RNGTT: variants seen among roughly 807,000 people sequenced by gnomAD.
RNGTT encodes RNA guanylyltransferase and 5'-phosphatase.
Under a neutral mutation model 79.3 loss-of-function variants are expected in RNGTT, and 33 were observed. The observed-to-expected ratio is 0.42, with a 90% CI of 0.32 to 0.56. The LOEUF is 0.56. RNGTT is among the 20% of genes least tolerant of loss of function. The pLI, the probability that RNGTT is intolerant of heterozygous loss-of-function variation, is 0.17. For synonymous variants in RNGTT, 222 were observed against 235.9 expected, an observed-to-expected ratio of 0.94 and a Z score of 0.54; for missense variants, 497 against 739.1, an observed-to-expected ratio of 0.67 and a Z score of 3.80.
intron 13 of RNGTT, among the ~76,000 whole-genome samples, chr6:88,702,732 G>A (rs1775989283): frequency 6.6e-6 from 1 of 152,136 alleles, no homozygotes; most frequent in Non-Finnish European, 1.5e-5. Flanking sequence ...AAGAGCTTCT[G>A]CAAAGCAAAA....
chr6:88,791,687 C>A (rs1003960320), intron 12 of RNGTT, among the ~76,000 whole-genome samples: 4 of 152,056 alleles, frequency 2.6e-5, no homozygotes, highest in Admixed American at 2.6e-4. Flanking sequence ...CCACAGGCGC[C>A]CACCACCACA....
At chr6:88,928,957 A>C (rs1179141833) in intron 4 of RNGTT, 28 bp downstream of exon 4, 1 of 1,509,902 alleles carries the variant, frequency 6.6e-7, no homozygotes, top group Non-Finnish European at 9.1e-7. Flanking sequence ...TAAAATATTC[A>C]ACAGTGGCAA....
chr6:88,818,562 T>C (rs889999510), intron 11 of RNGTT, among the ~76,000 whole-genome samples: 4 of 151,968 alleles, frequency 2.6e-5, no homozygotes, highest in African/African-American at 9.7e-5. Flanking sequence ...GCAACCAGAG[T>C]GAAACTCCGA....
rs140051179 is a variant in RNGTT, at chr6:88,929,099, GAA to G, written c.279-28_279-27del. 2.5e-5 allele frequency: 39 copies of G among 1,587,386 alleles called. No individual in the cohort carries two copies. In the South Asian group the frequency reaches 3.3e-4, roughly 13 times the overall value. On this transcript the variant is annotated intron_variant, in intron 3 of 15. Transcript: ENST00000369485. Reference sequence around the variant, plus strand: ...CTAGTAATATAGAAAAAGTTTTTTTGAAAAAAGAGATTACAAATTGTGATGAA... The same window carrying G: ...CTAGTAATATAGAAAAAGTTTTTTTGAAAAGAGATTACAAATTGTGATGAA...
intron 13 of RNGTT, among the ~76,000 whole-genome samples, chr6:88,759,179 C>T (rs1324484291): frequency 1.3e-5 from 2 of 152,182 alleles, no homozygotes; most frequent in African/African-American, 4.8e-5. Flanking sequence ...CATTACTGTC[C>T]TTCTGGTGTC....
At chr6:88,683,083 A>G (rs979083967) in intron 13 of RNGTT, among the ~76,000 whole-genome samples, 1 of 152,184 alleles carries the variant, frequency 6.6e-6, no homozygotes, top group Non-Finnish European at 1.5e-5. Context: ...AAGAAATTAG[A>G]AAAATGACAG....
At chr6:88,899,480 G>A (rs1000032045) in intron 6 of RNGTT, among the ~76,000 whole-genome samples, 14 of 151,956 alleles carry the variant, frequency 9.2e-5, no homozygotes, top group Admixed American at 3.9e-4. Context: ...GTCTCACTAC[G>A]TTGCCCAGGC....
Position 88,917,495 on chromosome 6 carries a change from T to TA in RNGTT, c.368-11056dup, listed in dbSNP as rs905435842. ...GGAGAAAATGAAAGGGTCAAAATCC[T>TA]AAAAAAACCTGTGAAACATACTAAA... is the stretch of plus-strand genomic sequence containing the variant. On this transcript the variant is annotated intron_variant, in intron 4 of 15. Transcript: ENST00000369485. Among the ~76,000 whole-genome samples, 25 of 152,194 alleles carry TA rather than the reference T, an allele frequency of 1.6e-4. No homozygotes were observed. The East Asian group carries it at 2.3e-3, about 14-fold the overall frequency.
chr6:88,715,887 A>G lies in RNGTT; in HGVS notation c.1440-37468T>C, dbSNP rs545630906. Among the ~76,000 whole-genome samples the G allele has an allele frequency of 6.6e-3, 1,003 of 152,332 alleles. 6 individuals are homozygous for G. The highest frequency in any genetic ancestry group is 0.054 in the Middle Eastern group (16 of 294). ...CCTAGAAGAAAACCTAGGCATTACCATTCAGGACATAGGCATGGGCAAGGA... is the reference window on the plus strand; with the variant it reads ...CCTAGAAGAAAACCTAGGCATTACCGTTCAGGACATAGGCATGGGCAAGGA... On this transcript the variant is annotated intron_variant, in intron 13 of 15. Coordinates refer to ENST00000369485, the MANE Select transcript of RNGTT (RefSeq NM_003800.5).
chr6:88,931,187 T>TAAAAAAAAAAA (rs34070183), intron 2 of RNGTT, among the ~76,000 whole-genome samples: 49 of 101,920 alleles, frequency 4.8e-4, no homozygotes, highest in Non-Finnish European at 6.1e-4. Context: ...TATAAAGCTG[T>TAAAAAAAAAAA]AAAAAAAAAA....
chr6:88,658,025 C>T (rs941765917), intron 14 of RNGTT, among the ~76,000 whole-genome samples: 4 of 152,120 alleles, frequency 2.6e-5, no homozygotes, highest in African/African-American at 7.2e-5. Context: ...TATGACCCCG[C>T]GATCACCTGA....
chr6:88,674,521 C>A (rs1774783591), intron 14 of RNGTT, among the ~76,000 whole-genome samples: 1 of 152,006 alleles, frequency 6.6e-6, no homozygotes, highest in African/African-American at 2.4e-5. Flanking sequence ...TGCACTCCAG[C>A]CTGGGTAACA....
chr6:88,642,619 G>C (rs112029061), intron 14 of RNGTT, among the ~76,000 whole-genome samples: 1,558 of 152,202 alleles, frequency 0.01, 24 homozygotes, highest in African/African-American at 0.035. Context: ...GAACAAAAAG[G>C]GTGGGGTTGG....
At chr6:88,696,235 A>G (rs1201848501) in intron 13 of RNGTT, among the ~76,000 whole-genome samples, 1 of 152,194 alleles carries the variant, frequency 6.6e-6, no homozygotes, top group African/African-American at 2.4e-5. Flanking sequence ...TATACATATA[A>G]CATCACTTTG....
intron 14 of RNGTT, among the ~76,000 whole-genome samples, chr6:88,656,149 T>C (rs1287488965): frequency 6.6e-6 from 1 of 152,174 alleles, no homozygotes; most frequent in African/African-American, 2.4e-5. Context: ...AAAACTTCCC[T>C]TTTTAATTTC....
At chr6:88,939,608 C>T (rs1784781194) in intron 2 of RNGTT, among the ~76,000 whole-genome samples, 1 of 151,958 alleles carries the variant, frequency 6.6e-6, no homozygotes, top group African/African-American at 2.4e-5. Flanking sequence ...ATCTGTCCAC[C>T]ATTTCATGAA....
rs1473632073 is a variant in RNGTT, at chr6:88,761,523, C to T, written c.1439+8251G>A. On this transcript the variant is annotated intron_variant, in intron 13 of 15. Transcript: ENST00000369485. ...ACAAACAACAACAAAAATACCTAAG[C>T]CTCCCAATACAAGTGGGAGGCCAGA... 3.3e-5 allele frequency among the ~76,000 whole-genome samples: 5 copies of T among 152,014 alleles called. No homozygotes were observed. In the South Asian group the frequency reaches 1.0e-3, roughly 32 times the overall value.
intron 11 of RNGTT, among the ~76,000 whole-genome samples, chr6:88,843,150 A>AT (rs1781358052): frequency 1.6e-5 from 1 of 61,478 alleles, no homozygotes; most frequent in Admixed American, 1.6e-4. Flanking sequence ...CCTACAGATC[A>AT]AAAAAAAAAA....
chr6:88,917,296 C>A lies in RNGTT; in HGVS notation c.368-10856G>T, dbSNP rs562952471. On this transcript the variant is annotated intron_variant, in intron 4 of 15. Transcript: ENST00000369485. ...TGACCATTAATATTTAGAATAAAAACCTTAGTCATTGAACAACTCTCAATA... is the reference window on the plus strand; with the variant it reads ...TGACCATTAATATTTAGAATAAAAAACTTAGTCATTGAACAACTCTCAATA... Among the ~76,000 whole-genome samples the A allele has an allele frequency of 4.6e-5, 7 of 152,190 alleles. No individual in the cohort carries two copies. In the East Asian group the frequency reaches 1.4e-3, roughly 29 times the overall value.
Sources: gnomAD v4.1 joint callset for allele counts (sites outside exome capture counted in the v4.1 genomes callset) on GRCh38, gnomAD v4.1.1 for gene constraint, MANE v1.5 for transcripts, NCBI Gene and HGNC (gene_info 2026-07-23, HGNC 2026-07-21) for gene names.